The following SPATA6 variants were observed in gnomAD, a reference collection of about 807,000 sequenced individuals.
SPATA6 encodes the protein spermatogenesis associated 6, also known as spermatogenesis-associated protein 6.
Under a neutral mutation model 65.3 loss-of-function variants are expected in SPATA6, and 56 were observed. The ratio of observed to expected loss-of-function variants is 0.86; its 90% CI spans 0.69 to 1.07. The LOEUF is 1.07. Ranked by LOEUF, SPATA6 falls within the 50% of genes least tolerant of loss-of-function variation. The pLI is 0.00. For missense variants in SPATA6, 590 were observed against 594.8 expected, an observed-to-expected ratio of 0.99 and a Z score of 0.08; for synonymous variants, 199 against 213.2, an observed-to-expected ratio of 0.93 and a Z score of 0.58.
the SPATA6 span, among the ~76,000 whole-genome samples, chr1:48,264,377 T>C: frequency 6.6e-6 from 1 of 152,300 alleles, no homozygotes; most frequent in East Asian, 1.9e-4. Flanking sequence ...AAAATCTTTT[T>C]TTGTTGTTAT....
chr1:48,435,176 C>T (rs924987232), intron 3 of SPATA6, among the ~76,000 whole-genome samples: 2 of 152,106 alleles, frequency 1.3e-5, no homozygotes, highest in African/African-American at 2.4e-5. Context: ...AAACAAGGAA[C>T]ATTTTAAGTA....
chr1:48,448,474 T>A (rs1402024141), intron 3 of SPATA6, among the ~76,000 whole-genome samples: 1 of 149,834 alleles, frequency 6.7e-6, no homozygotes, highest in Non-Finnish European at 1.5e-5. Context: ...CAAACAAGTT[T>A]ATTCAGTGTC....
chr1:48,455,027 C>G (rs1343231147), intron 1 of SPATA6, among the ~76,000 whole-genome samples: 2 of 152,124 alleles, frequency 1.3e-5, no homozygotes, highest in Admixed American at 1.3e-4. Context: ...TCTATGTTCC[C>G]CTTTTGCTCT....
intron 9 of SPATA6, among the ~76,000 whole-genome samples, chr1:48,367,482 G>T (rs958858928): frequency 6.6e-6 from 1 of 152,198 alleles, no homozygotes; most frequent in Non-Finnish European, 1.5e-5. Context: ...GCATGCTCCT[G>T]TATTTGGTGC....
intron 9 of SPATA6, among the ~76,000 whole-genome samples, chr1:48,364,286 G>T (rs1192380107): frequency 2.6e-5 from 4 of 152,194 alleles, no homozygotes; most frequent in Admixed American, 6.5e-5. Flanking sequence ...CTTTATAGAA[G>T]CATGATTTAT....
chr1:48,306,551 A>T (rs989541278), intron 11 of SPATA6, among the ~76,000 whole-genome samples: 6 of 151,984 alleles, frequency 3.9e-5, no homozygotes, highest in African/African-American at 1.4e-4. Context: ...ATGGTATATA[A>T]TTTAATACCA....
At chr1:48,359,470 T>A in intron 10 of SPATA6, 116 bp downstream of exon 10, 1 of 1,220,390 alleles carries the variant, frequency 8.2e-7, no homozygotes, top group Non-Finnish European at 1.1e-6. Context: ...AATTTAAGCC[T>A]TTTAAAATCA....
intron 1 of SPATA6, among the ~76,000 whole-genome samples, chr1:48,454,211 C>T (rs1187446959): frequency 6.6e-6 from 1 of 151,992 alleles, no homozygotes; most frequent in African/African-American, 2.4e-5. Flanking sequence ...CAACTACACC[C>T]TCAGCAGGAT....
At chr1:48,320,204 A>G (rs1645561319) in intron 11 of SPATA6, among the ~76,000 whole-genome samples, 1 of 152,218 alleles carries the variant, frequency 6.6e-6, no homozygotes, top group South Asian at 2.1e-4. Flanking sequence ...ATTCAAAGGG[A>G]TAATAACAGA....
intron 11 of SPATA6, among the ~76,000 whole-genome samples, chr1:48,349,950 T>C (rs888136799): frequency 1.3e-5 from 2 of 151,952 alleles, no homozygotes; most frequent in African/African-American, 4.8e-5. Context: ...GGTGTGAACA[T>C]AAATTTTCAG....
At chr1:48,454,007 C>A (rs1177739213) in intron 1 of SPATA6, among the ~76,000 whole-genome samples, 2 of 137,504 alleles carry the variant, frequency 1.5e-5, no homozygotes. Context: ...ATCATATATT[C>A]TTTTTTTTTT....
intron 11 of SPATA6, among the ~76,000 whole-genome samples, chr1:48,319,520 G>T (rs933082168): frequency 2.6e-5 from 4 of 152,122 alleles, no homozygotes; most frequent in Non-Finnish European, 5.9e-5. Flanking sequence ...AGAGCACAAT[G>T]AAATTCACCA....
chr1:48,276,261 AT>A, the SPATA6 span, among the ~76,000 whole-genome samples: 1 of 152,060 alleles, frequency 6.6e-6, no homozygotes, highest in Admixed American at 6.6e-5. Context: ...CCTTCTGTCT[AT>A]TTAGCTGATC....
downstream of SPATA6, among the ~76,000 whole-genome samples, chr1:48,294,750 C>A (rs1405753055): frequency 3.9e-5 from 6 of 152,190 alleles, no homozygotes; most frequent in African/African-American, 7.2e-5. Flanking sequence ...TCAATGGTCA[C>A]CTCTTCTAAT....
At chr1:48,432,048 T>A (rs1289441868) in intron 3 of SPATA6, among the ~76,000 whole-genome samples, 1 of 152,140 alleles carries the variant, frequency 6.6e-6, no homozygotes, top group African/African-American at 2.4e-5. Flanking sequence ...AGGCAGAGGC[T>A]GCAGTGAGCT....
At chr1:48,343,805 G>A (rs1398545980) in intron 11 of SPATA6, among the ~76,000 whole-genome samples, 1 of 152,082 alleles carries the variant, frequency 6.6e-6, no homozygotes, top group East Asian at 1.9e-4. Flanking sequence ...TAAGTCAGAA[G>A]AGGAATAAAT....
intron 12 of SPATA6, among the ~76,000 whole-genome samples, chr1:48,299,278 C>T (rs1644873342): frequency 6.6e-6 from 1 of 151,934 alleles, no homozygotes; most frequent in Admixed American, 6.6e-5. Context: ...CTTTGGGAGG[C>T]TGAGACGAGC....
chr1:48,381,587 G>C (rs74487889), intron 9 of SPATA6, among the ~76,000 whole-genome samples: 1,827 of 142,240 alleles, frequency 0.013, 45 homozygotes, highest in African/African-American at 0.045. Flanking sequence ...AATCGTTTAA[G>C]AAAATAAATA....
chr1:48,419,510 G>C (rs534175091), intron 3 of SPATA6, among the ~76,000 whole-genome samples: 3 of 152,220 alleles, frequency 2.0e-5, no homozygotes, highest in African/African-American at 7.2e-5. Flanking sequence ...AAGGAAATGG[G>C]GCTTACGGGA....
Sources: gnomAD v4.1 joint callset for allele counts (sites outside exome capture counted in the v4.1 genomes callset) on GRCh38, gnomAD v4.1.1 for gene constraint, MANE v1.5 for transcripts, NCBI Gene and HGNC (gene_info 2026-07-23, HGNC 2026-07-21) for gene names.